Variants in PRR16 observed in about 807,000 individuals in gnomAD.
The protein encoded by PRR16 is protein Largen.
Under a neutral mutation model 18.2 loss-of-function variants are expected in PRR16, and 6 were observed. That is an observed-to-expected ratio of 0.33 (90% CI 0.18 to 0.65). The LOEUF (loss-of-function observed/expected upper bound fraction) is 0.65, where lower values mean the gene tolerates loss of function less well. Among genes scored for constraint, PRR16 ranks in the 30% least tolerant of loss-of-function variants. The pLI is 0.74. For synonymous variants in PRR16, 151 were observed against 147.8 expected (o/e 1.02, Z -0.16); for missense variants, 412 against 376.6 (o/e 1.09, Z -0.78).
the PRR16 span, among the ~76,000 whole-genome samples, chr5:120,759,000 G>A: frequency 2.4e-5 from 3 of 127,234 alleles, no homozygotes; most frequent in Admixed American, 8.9e-5. Flanking sequence ...TTTTGAGACG[G>A]AGTCTTGCTT....
At chr5:120,643,846 AAT>A (rs1257559141) in intron 1 of PRR16, among the ~76,000 whole-genome samples, 3 of 152,056 alleles carry the variant, frequency 2.0e-5, no homozygotes, top group African/African-American at 7.2e-5. Flanking sequence ...CTCTTCTAAA[AAT>A]ATAAAAATTA....
At chr5:120,627,114 G>A (rs974522115) in intron 1 of PRR16, among the ~76,000 whole-genome samples, 4 of 151,930 alleles carry the variant, frequency 2.6e-5, no homozygotes, top group Admixed American at 2.0e-4. Flanking sequence ...TTTGATTTTC[G>A]CTAAATTGTA....
At position 120,665,954 on chromosome 5, in the gene PRR16, T is replaced by A. The variant is rs531313821; in HGVS notation, c.160-20000T>A. ...TTGGCAATGTGGGCTCTTTTTTGGT[T>A]CCATGTGAACTTTAAAGTAGTTTTT... On this transcript the variant is annotated intron_variant, in intron 1 of 1. Coordinates refer to ENST00000407149, the MANE Select transcript of PRR16 (RefSeq NM_001300783.2). Among the ~76,000 whole-genome samples, 20 of 152,216 alleles carry A rather than the reference T, an allele frequency of 1.3e-4. No individual in the cohort carries two copies. In the South Asian group the frequency reaches 4.2e-3, roughly 32 times the overall value.
chr5:120,750,954 T>C, the PRR16 span, among the ~76,000 whole-genome samples: 1 of 152,132 alleles, frequency 6.6e-6, no homozygotes, highest in South Asian at 2.1e-4. Flanking sequence ...TACCACATTT[T>C]CCAGCCACTG....
chr5:120,753,893 AAT>A, the PRR16 span, among the ~76,000 whole-genome samples: 12 of 126,064 alleles, frequency 9.5e-5, no homozygotes, highest in African/African-American at 3.5e-4. Flanking sequence ...TATTATATAT[AAT>A]ATATATTTAT....
intron 1 of PRR16, among the ~76,000 whole-genome samples, chr5:120,513,957 AC>A (rs1750909155): frequency 6.6e-6 from 1 of 151,810 alleles, no homozygotes; most frequent in South Asian, 2.1e-4. Context: ...ACGGAGTTTC[AC>A]CATTTTGGTC....
the PRR16 span, among the ~76,000 whole-genome samples, chr5:120,709,392 G>C: frequency 6.6e-6 from 1 of 151,844 alleles, no homozygotes; most frequent in Non-Finnish European, 1.5e-5. Context: ...TATTTATGGG[G>C]TACATGTGAC....
chr5:120,479,516 A>C (rs1749544206), intron 1 of PRR16, among the ~76,000 whole-genome samples: 1 of 152,184 alleles, frequency 6.6e-6, no homozygotes, highest in Non-Finnish European at 1.5e-5. Flanking sequence ...AGCTAATGAG[A>C]TCATTTTGCT....
chr5:120,758,254 T>A, the PRR16 span, among the ~76,000 whole-genome samples: 1 of 151,748 alleles, frequency 6.6e-6, no homozygotes, highest in African/African-American at 2.4e-5. Flanking sequence ...TATTTTTAGA[T>A]GAGTACTGAT....
chr5:120,730,178 G>C, the PRR16 span, among the ~76,000 whole-genome samples: 32 of 152,248 alleles, frequency 2.1e-4, no homozygotes, highest in Middle Eastern at 3.4e-3. Flanking sequence ...TGACAATGGA[G>C]TATTTGGTGT....
At chr5:120,672,540 ATGTGTG>A (rs5870916) in intron 1 of PRR16, among the ~76,000 whole-genome samples, 6,719 of 147,370 alleles carry the variant, frequency 0.046, 470 homozygotes, top group African/African-American at 0.16. Context: ...ATAGATATAT[ATGTGTG>A]TGTGTGTGTG....
At chr5:120,749,415 C>T in the PRR16 span, among the ~76,000 whole-genome samples, 9 of 152,174 alleles carry the variant, frequency 5.9e-5, no homozygotes, top group South Asian at 1.9e-3. Flanking sequence ...ATTGTTGTTG[C>T]TACCTGAGCT....
At chr5:120,571,554 G>C (rs1752907655) in intron 1 of PRR16, among the ~76,000 whole-genome samples, 1 of 152,002 alleles carries the variant, frequency 6.6e-6, no homozygotes, top group Admixed American at 6.6e-5. Context: ...CAAAAGGGTG[G>C]TATATTTTTA....
intron 1 of PRR16, among the ~76,000 whole-genome samples, chr5:120,592,934 G>A (rs1524563): frequency 6.6e-6 from 1 of 151,974 alleles, no homozygotes. Flanking sequence ...ATAATTTACT[G>A]CATTTGCAAT....
chr5:120,498,368 T>C (rs1175872293), intron 1 of PRR16, among the ~76,000 whole-genome samples: 1 of 149,582 alleles, frequency 6.7e-6, no homozygotes, highest in Non-Finnish European at 1.5e-5. Context: ...TGTATATATA[T>C]ATATAAAACT....
At chr5:120,507,368 G>A (rs890144232) in intron 1 of PRR16, among the ~76,000 whole-genome samples, 3 of 151,956 alleles carry the variant, frequency 2.0e-5, no homozygotes, top group Admixed American at 6.6e-5. Flanking sequence ...CTTAAATTGC[G>A]AAACAAATGT....
At chr5:120,629,882 C>A (rs943660697) in intron 1 of PRR16, among the ~76,000 whole-genome samples, 3 of 107,906 alleles carry the variant, frequency 2.8e-5, no homozygotes, top group African/African-American at 8.2e-5. Flanking sequence ...TGCATTGTTG[C>A]TTTCGAGAAG....
chr5:120,630,645 A>G (rs1580808237), intron 1 of PRR16, among the ~76,000 whole-genome samples: 1 of 151,584 alleles, frequency 6.6e-6, no homozygotes, highest in Non-Finnish European at 1.5e-5. Flanking sequence ...AGATATATTT[A>G]TTTTTCCTGC....
chr5:120,618,714 G>A (rs1003353660), intron 1 of PRR16: 7 of 251,504 alleles, frequency 2.8e-5, no homozygotes, highest in African/African-American at 1.6e-4. Context: ...AGAGACCAAT[G>A]GATAAATACT....
Sources: gnomAD v4.1 joint callset for allele counts (sites outside exome capture counted in the v4.1 genomes callset) on GRCh38, gnomAD v4.1.1 for gene constraint, MANE v1.5 for transcripts, NCBI Gene and HGNC (gene_info 2026-07-23, HGNC 2026-07-21) for gene names.